Variants in CCDC171 observed in about 807,000 individuals in gnomAD.
The protein encoded by CCDC171 is coiled-coil domain containing 171, also known as coiled-coil domain-containing protein 171.
In CCDC171, 177 loss-of-function variants were observed where a neutral mutation model predicts 168.2. The ratio of observed to expected loss-of-function variants is 1.05; its 90% confidence interval spans 0.93 to 1.19. The LOEUF is 1.19. Ranked by LOEUF, CCDC171 falls within the 50% of genes most tolerant of loss-of-function variation. CCDC171 has a pLI of 0.00. For synonymous variants in CCDC171, 687 were observed against 540.8 expected (o/e 1.27, Z -3.75); for missense variants, 1,991 against 1,539.0 (o/e 1.29, Z -4.91).
chr9:15,855,360 C>T (rs544871384), intron 23 of CCDC171, among the ~76,000 whole-genome samples: 14 of 151,822 alleles, frequency 9.2e-5, no homozygotes, highest in Admixed American at 3.9e-4. Flanking sequence ...TTAGTGTAGG[C>T]GCTCCAGCTC....
intron 3 of CCDC171, among the ~76,000 whole-genome samples, chr9:16,014,778 T>C (rs1832967451): frequency 6.6e-6 from 1 of 152,180 alleles, no homozygotes. Context: ...TCTTGAGCAA[T>C]AGTTATCAAC....
At chr9:15,604,642 AG>A (rs2043091278) in intron 6 of CCDC171, among the ~76,000 whole-genome samples, 2 of 152,058 alleles carry the variant, frequency 1.3e-5, no homozygotes, top group Admixed American at 6.6e-5. Context: ...TAGAAAGAGG[AG>A]GAAGAGTAGG....
At chr9:15,870,488 A>G (rs956433805) in intron 23 of CCDC171, among the ~76,000 whole-genome samples, 2 of 151,906 alleles carry the variant, frequency 1.3e-5, no homozygotes, top group Admixed American at 1.3e-4. Flanking sequence ...GATTAAAAGT[A>G]TGACATGAAG....
At chr9:15,783,181 G>T (rs934553485) in intron 20 of CCDC171, among the ~76,000 whole-genome samples, 2 of 152,124 alleles carry the variant, frequency 1.3e-5, no homozygotes, top group Non-Finnish European at 2.9e-5. Flanking sequence ...GATATAGAAG[G>T]ACCTATGTAA....
At chr9:16,073,963 C>T in the CCDC171 span, among the ~76,000 whole-genome samples, 1 of 152,170 alleles carries the variant, frequency 6.6e-6, no homozygotes, top group Admixed American at 6.5e-5. Flanking sequence ...CTCTGCCTTA[C>T]CTGATGCCTC....
chr9:15,643,569 T>G (rs1013931308), intron 7 of CCDC171, among the ~76,000 whole-genome samples: 4 of 152,022 alleles, frequency 2.6e-5, no homozygotes, highest in Non-Finnish European at 5.9e-5. Flanking sequence ...AATTGAGATA[T>G]ACTTCACATA....
At chr9:15,942,369 C>CT (rs1331758244) in intron 25 of CCDC171, among the ~76,000 whole-genome samples, 2 of 151,940 alleles carry the variant, frequency 1.3e-5, no homozygotes, top group East Asian at 3.9e-4. Context: ...TCCGGAATTT[C>CT]TTTATTAATA....
intron 1 of CCDC171, among the ~76,000 whole-genome samples, chr9:16,054,641 C>A (rs546849684): frequency 6.6e-6 from 1 of 152,276 alleles, no homozygotes; most frequent in South Asian, 2.1e-4. Flanking sequence ...CTGCCGGCTT[C>A]AAGGTTCAAA....
At chr9:15,665,905 A>T (rs1453843942) in intron 8 of CCDC171, among the ~76,000 whole-genome samples, 2 of 152,228 alleles carry the variant, frequency 1.3e-5, no homozygotes, top group South Asian at 2.1e-4. Context: ...TTTTTCTTTG[A>T]TAGAATGGGT....
chr9:15,716,617 C>A (rs912799146), intron 11 of CCDC171, among the ~76,000 whole-genome samples: 1 of 152,110 alleles, frequency 6.6e-6, no homozygotes, highest in Non-Finnish European at 1.5e-5. Context: ...TTATTTCTTA[C>A]AGTTCTGGAG....
chr9:15,777,751 G>T lies in CCDC171; in HGVS notation c.2823G>T (p.Gln941His), dbSNP rs114680084. Residue 941 changes from glutamine to histidine, a missense_variant, in exon 19 of 26, where the codon CAG becomes CAT. Physicochemically the swap from Gln to His is conservative, Grantham distance 24 (BLOSUM62 0). Transcript: ENST00000380701. Reference sequence around the variant, plus strand: ...ATGTAGAAAAAGATTCCCTGGTTCAGAGGCTGGCCCATGGACTTCATAAAG... The same window carrying T: ...ATGTAGAAAAAGATTCCCTGGTTCATAGGCTGGCCCATGGACTTCATAAAG... ...ITYVEKDSLVQRLAHGLHKVN... is the reference protein window; with the variant it reads ...ITYVEKDSLVHRLAHGLHKVN... 33 of 1,613,970 alleles carry T rather than the reference G, an allele frequency of 2.0e-5. No individual in the cohort carries two copies. Among genetic ancestry groups the T allele is most frequent in the Non-Finnish European group, 2.6e-5 (31 of 1,180,030 alleles).
chr9:15,837,323 G>A (rs1010767961), intron 21 of CCDC171, among the ~76,000 whole-genome samples: 2 of 152,168 alleles, frequency 1.3e-5, no homozygotes, highest in Admixed American at 1.3e-4. Context: ...TTTTCTTCAG[G>A]TGAATGGGTT....
Position 15,744,857 on chromosome 9 carries a change from A to C in CCDC171, c.2554+80A>C, listed in dbSNP as rs150541996. ...TGACTATACCTGGCTATTATGGAAA[A>C]ACTCTTAAAAAATCATGTAATATGC... On this transcript the variant is annotated intron_variant, in intron 17 of 25. Coordinates refer to ENST00000380701, the MANE Select transcript of CCDC171 (RefSeq NM_173550.4). The C allele has an allele frequency of 1.6e-5, 22 of 1,361,938 alleles. No homozygotes were observed. In the East Asian group the frequency reaches 5.2e-4, roughly 32 times the overall value. The allele number at this position is 1,361,938 out of a possible 1,614,324, so 84.4% of individuals were successfully genotyped here.
At chr9:16,017,489 TA>T (rs1052855079) in intron 3 of CCDC171, among the ~76,000 whole-genome samples, 17 of 152,132 alleles carry the variant, frequency 1.1e-4, no homozygotes, top group Non-Finnish European at 2.1e-4. Flanking sequence ...ATACAACTTT[TA>T]AAATATATTT....
intron 24 of CCDC171, among the ~76,000 whole-genome samples, chr9:15,882,048 C>T (rs1588977637): frequency 6.6e-6 from 1 of 152,318 alleles, no homozygotes; most frequent in Non-Finnish European, 1.5e-5. Flanking sequence ...TACTAATATA[C>T]ATTCTCCCTA....
intron 25 of CCDC171, among the ~76,000 whole-genome samples, chr9:15,946,128 TA>T (rs1401020690): frequency 1.3e-5 from 2 of 151,976 alleles, no homozygotes; most frequent in Non-Finnish European, 2.9e-5. Context: ...CATCATTTAT[TA>T]AATAGGGAAT....
intron 4 of CCDC171, chr9:15,588,700 C>CTTTTTTT (rs71323963): frequency 1.6e-5 from 2 of 124,000 alleles, no homozygotes; most frequent in Non-Finnish European, 1.7e-5. Context: ...AAGATGCAGA[C>CTTTTTTT]TTTTTTTTTT....
intron 25 of CCDC171, among the ~76,000 whole-genome samples, chr9:15,929,288 C>CA (rs2132114083): frequency 6.6e-6 from 1 of 151,752 alleles, no homozygotes; most frequent in African/African-American, 2.4e-5. Context: ...AGAATGGCAA[C>CA]AACTAAATAT....
intron 21 of CCDC171, among the ~76,000 whole-genome samples, chr9:15,832,463 G>T (rs1284839330): frequency 1.3e-5 from 2 of 152,180 alleles, no homozygotes; most frequent in Non-Finnish European, 1.5e-5. Flanking sequence ...CCATGGTAAA[G>T]CCTGTTGCTT....
Sources: gnomAD v4.1 joint callset for allele counts (sites outside exome capture counted in the v4.1 genomes callset) on GRCh38, gnomAD v4.1.1 for gene constraint, MANE v1.5 for transcripts, NCBI Gene and HGNC (gene_info 2026-07-23, HGNC 2026-07-21) for gene names.